The following POM121 variants were observed in gnomAD, a reference collection of about 807,000 sequenced individuals.
POM121 encodes the protein POM121 transmembrane nucleoporin.
A neutral mutation model predicts 81.3 loss-of-function variants in POM121; 32 were observed. The ratio of observed to expected loss-of-function variants is 0.39; its 90% CI spans 0.30 to 0.53. The LOEUF (loss-of-function observed/expected upper bound fraction) is 0.53, where lower values mean the gene tolerates loss of function less well. Ranked by LOEUF, POM121 falls within the 20% of genes least tolerant of loss-of-function variation. The probability of loss-of-function intolerance (pLI) is 0.66; values close to 1 mark genes in which losing one functional copy is unlikely to be tolerated. For synonymous variants in POM121, 514 were observed against 694.2 expected, an observed-to-expected ratio of 0.74 and a Z score of 4.08; for missense variants, 1,138 against 1,614.6, an observed-to-expected ratio of 0.70 and a Z score of 5.06.
downstream of POM121, chr7:72,950,081 C>T (rs200858572): frequency 2.5e-5 from 39 of 1,577,396 alleles, no homozygotes; most frequent in African/African-American, 6.8e-5. Context: ...ATGAGGTGTC[C>T]GGCCCGGTAC....
intron 4 of POM121, among the ~76,000 whole-genome samples, chr7:72,917,054 C>T (rs1794354558): frequency 6.6e-6 from 1 of 152,186 alleles, no homozygotes; most frequent in South Asian, 2.1e-4. Context: ...GTAACTCTGG[C>T]ATTTAGATGA....
At chr7:72,892,597 G>A (rs539327061) in intron 3 of POM121, among the ~76,000 whole-genome samples, 2 of 152,160 alleles carry the variant, frequency 1.3e-5, no homozygotes, top group African/African-American at 4.8e-5. Flanking sequence ...TTCACTTGCC[G>A]AGATAATACA....
intron 3 of POM121, among the ~76,000 whole-genome samples, chr7:72,905,520 A>G (rs1282494223): frequency 6.6e-6 from 1 of 152,180 alleles, no homozygotes; most frequent in Non-Finnish European, 1.5e-5. Context: ...CCTGGCCAAC[A>G]TGGCAAAACC....
chr7:72,880,987 G>A lies in POM121; in HGVS notation c.-521+1102G>A, dbSNP rs1402381133. Among the ~76,000 whole-genome samples, 2 of 66,210 alleles carry A rather than the reference G, an allele frequency of 3.0e-5. 1 individual carries two copies. Among genetic ancestry groups the A allele is most frequent in the Non-Finnish European group, 7.5e-5 (2 of 26,694 alleles). 43.4% of individuals were successfully genotyped at this position (66,210 alleles called of 152,430 possible). On this transcript the variant is annotated intron_variant, in intron 1 of 15. Transcript: ENST00000395270. The stretch of plus-strand genomic sequence containing the variant: ...TGGCAGACTATTTGTAAAAGGAGTC[G>A]TGCTACCCATGAGAGTCTAACTCAT...
chr7:72,914,070 T>C (rs1439199846), intron 4 of POM121, among the ~76,000 whole-genome samples: 4 of 152,356 alleles, frequency 2.6e-5, no homozygotes, highest in African/African-American at 9.6e-5. Context: ...AACTTCACTG[T>C]AAAAATGCCA....
upstream of POM121, among the ~76,000 whole-genome samples, chr7:72,920,401 T>C (rs1207026938): frequency 2.1e-5 from 3 of 144,114 alleles, no homozygotes; most frequent in Non-Finnish European, 4.5e-5. Flanking sequence ...CAGGCTGGAG[T>C]GGAGTGGCGC....
chr7:72,894,635 G>GAGAGAGAA (rs1554491402), intron 3 of POM121, among the ~76,000 whole-genome samples: 1,911 of 48,222 alleles, frequency 0.04, 167 homozygotes, highest in African/African-American at 0.061. Context: ...AGGAGAGAGA[G>GAGAGAGAA]AGAGAGAGAG....
chr7:72,945,364 C>T (rs1206976907), intron 11 of POM121, among the ~76,000 whole-genome samples: 1 of 151,606 alleles, frequency 6.6e-6, no homozygotes, highest in African/African-American at 2.4e-5. Flanking sequence ...TTTTTCTCTG[C>T]CCTGGCGTGG....
intron 10 of POM121, among the ~76,000 whole-genome samples, chr7:72,941,366 C>T (rs1288665657): frequency 6.6e-6 from 1 of 151,048 alleles, no homozygotes; most frequent in Non-Finnish European, 1.5e-5. Flanking sequence ...TTCCCTCCAG[C>T]ACTTCGAGGG....
rs781808565 is a variant in POM121, at chr7:72,942,966, T to C, written c.2973T>C (p.Phe991=). 1 of 1,602,950 alleles carries C rather than the reference T, an allele frequency of 6.2e-7. No individual in the cohort carries two copies. The highest frequency in any genetic ancestry group is 1.1e-5 in the South Asian group (1 of 89,794). ...GAAKPALAPS[F]GSSFTFGNSA... ...CCAAGCCGGCCCTTGCCCCCAGCTT[T>C]GGCAGCTCTTTCACTTTTGGAAACT... The change falls in exon 11 of 13, where the codon TTT becomes TTC. Residue 991 remains phenylalanine (F), a synonymous_variant. Coordinates refer to ENST00000434423, the MANE Select transcript of POM121 (RefSeq NM_001387691.1).
At chr7:72,934,284 C>G (rs1796301154) in intron 5 of POM121, among the ~76,000 whole-genome samples, 4 of 151,880 alleles carry the variant, frequency 2.6e-5, no homozygotes, top group African/African-American at 4.8e-5. Context: ...GGGTTTTCAC[C>G]ATGTTGGCTA....
At chr7:72,881,832 T>C (rs1398094512) in intron 1 of POM121, among the ~76,000 whole-genome samples, 1 of 152,122 alleles carries the variant, frequency 6.6e-6, no homozygotes, top group African/African-American at 2.4e-5. Flanking sequence ...GGTTTCACTA[T>C]GTTGGCCAGG....
intron 5 of POM121, among the ~76,000 whole-genome samples, chr7:72,931,132 T>A (rs1190098474): frequency 2.0e-5 from 3 of 152,164 alleles, no homozygotes; most frequent in African/African-American, 7.2e-5. Flanking sequence ...AATATCATTA[T>A]CCCTCTTAAT....
At position 72,930,033 on chromosome 7, in the gene POM121, C is replaced by T. The variant is rs201327701; in HGVS notation, c.1197C>T (p.Gly399=). 28 of 1,613,996 alleles carry T rather than the reference C, an allele frequency of 1.7e-5. No homozygotes were observed. In the Admixed American group the frequency reaches 4.0e-4, roughly 23 times the overall value. Residue 399 remains glycine (G), a synonymous_variant, in exon 5 of 13, where the codon GGC becomes GGT. Transcript: ENST00000434423. The part of the protein sequence containing the change: ...SRSSSMSSLT[G]AYASGIPSSS... ...GCTCTTCCATGAGCTCCTTGACAGG[C>T]GCTTACGCAAGTGGCATCCCTAGCT... is the stretch of plus-strand genomic sequence containing the variant.
intron 3 of POM121, among the ~76,000 whole-genome samples, chr7:72,895,242 A>G (rs372509649): frequency 1.3e-5 from 2 of 152,268 alleles, no homozygotes; most frequent in Admixed American, 6.5e-5. Context: ...TGAGGACTGC[A>G]TTTCATCTGT....
At chr7:72,896,712 T>C (rs1791988585) in intron 3 of POM121, among the ~76,000 whole-genome samples, 1 of 150,048 alleles carries the variant, frequency 6.7e-6, no homozygotes, top group Non-Finnish European at 1.5e-5. Flanking sequence ...AAATGATCCA[T>C]TCTAAACTAT....
chr7:72,896,803 A>G (rs1389238532), intron 3 of POM121, among the ~76,000 whole-genome samples: 2 of 152,248 alleles, frequency 1.3e-5, no homozygotes, highest in Non-Finnish European at 2.9e-5. Context: ...ACATTCATTC[A>G]CAAAATATGT....
intron 1 of POM121, chr7:72,880,000 T>G (rs1203432994): frequency 2.7e-6 from 1 of 375,066 alleles, no homozygotes; most frequent in Non-Finnish European, 5.3e-6. Flanking sequence ...CGGAGAGACA[T>G]GTGTTGGGTT....
chr7:72,928,975 T>G (rs572741770), intron 4 of POM121, among the ~76,000 whole-genome samples: 13 of 152,316 alleles, frequency 8.5e-5, no homozygotes, highest in Admixed American at 2.0e-4. Context: ...ATGAGGCAGG[T>G]GGATGGTATT....
Sources: allele counts gnomAD v4.1 joint callset (sites outside exome capture counted in the v4.1 genomes callset), GRCh38; gene constraint gnomAD v4.1.1; transcripts MANE v1.5; gene names NCBI Gene and HGNC (gene_info 2026-07-23, HGNC 2026-07-21).